The following MLIP variants were observed in gnomAD, a reference collection of about 807,000 sequenced individuals.
The protein encoded by MLIP is muscular LMNA interacting protein.
A neutral mutation model predicts 84.8 loss-of-function variants in MLIP; 79 were observed. The observed-to-expected ratio is 0.93, with a 90% CI of 0.78 to 1.12. The LOEUF (loss-of-function observed/expected upper bound fraction) is 1.12. Among genes scored for constraint, MLIP ranks in the 50% most tolerant of loss-of-function variants. The pLI, the probability that MLIP is intolerant of heterozygous loss-of-function variation, is 0.00. For missense variants in MLIP, 1,257 were observed against 1,160.6 expected (o/e 1.08, Z -1.21); for synonymous variants, 504 against 463.0 (o/e 1.09, Z -1.14).
intron 1 of MLIP, among the ~76,000 whole-genome samples, chr6:54,080,471 C>T (rs1767067493): frequency 1.4e-5 from 1 of 69,180 alleles, no homozygotes; most frequent in South Asian, 4.7e-4. Context: ...TTTGAATGTG[C>T]ATGTCCTTAT....
At chr6:54,260,084 A>T (rs1382871998) in intron 13 of MLIP, among the ~76,000 whole-genome samples, 1 of 151,936 alleles carries the variant, frequency 6.6e-6, no homozygotes, top group East Asian at 1.9e-4. Flanking sequence ...CATTTCCTAA[A>T]GACATTAGTT....
At chr6:54,198,533 A>G (rs1778452702) in intron 10 of MLIP, among the ~76,000 whole-genome samples, 1 of 152,136 alleles carries the variant, frequency 6.6e-6, no homozygotes, top group East Asian at 1.9e-4. Flanking sequence ...TTGAATATGC[A>G]GAAACAAGCC....
intron 1 of MLIP, among the ~76,000 whole-genome samples, chr6:54,070,717 G>A (rs1326606532): frequency 1.3e-5 from 2 of 152,038 alleles, no homozygotes; most frequent in Admixed American, 6.6e-5. Context: ...GGGGCCTATG[G>A]TCTTCTTTTT....
chr6:54,252,116 C>CTA (rs1554194379), intron 12 of MLIP, among the ~76,000 whole-genome samples: 2 of 75,172 alleles, frequency 2.7e-5, no homozygotes, highest in Non-Finnish European at 4.0e-5. Context: ...TAATATATAA[C>CTA]TATATTATAA....
At chr6:54,109,257 T>TCA, upstream of MLIP, among the ~76,000 whole-genome samples, 1 of 152,208 alleles carries the variant, frequency 6.6e-6, no homozygotes. Context: ...TATTCTCATT[T>TCA]ATGTTATTTA....
chr6:54,077,788 T>C (rs1766892734), intron 1 of MLIP, among the ~76,000 whole-genome samples: 1 of 152,204 alleles, frequency 6.6e-6, no homozygotes, highest in African/African-American at 2.4e-5. Flanking sequence ...AAGAAGCAGA[T>C]GATAAAGCTC....
At chr6:54,059,404 A>T (rs1765838920) in intron 1 of MLIP, among the ~76,000 whole-genome samples, 1 of 152,214 alleles carries the variant, frequency 6.6e-6, no homozygotes. Flanking sequence ...CCATGCCATA[A>T]TAATATTACA....
intron 1 of MLIP, among the ~76,000 whole-genome samples, chr6:54,033,930 T>A (rs1176779725): frequency 6.6e-6 from 1 of 152,208 alleles, no homozygotes; most frequent in Non-Finnish European, 1.5e-5. Flanking sequence ...TCTTCTAAAT[T>A]TACCTAACAT....
chr6:54,251,874 CAT>C (rs1334695449), intron 12 of MLIP, among the ~76,000 whole-genome samples: 5 of 60,056 alleles, frequency 8.3e-5, no homozygotes, highest in Admixed American at 6.5e-4. Context: ...TATATTATAA[CAT>C]ATAATATATA....
intron 8 of MLIP, among the ~76,000 whole-genome samples, chr6:54,167,842 G>A (rs150595423): frequency 0.012 from 1,854 of 151,686 alleles, 43 homozygotes; most frequent in African/African-American, 0.041. Flanking sequence ...GTGTCTTCTG[G>A]GTCACTCTTA....
chr6:54,137,228 T>C lies in MLIP; in HGVS notation c.1159T>C (p.Ser387Pro), dbSNP rs997015440. 16 of 1,536,076 alleles carry C rather than the reference T, an allele frequency of 1.0e-5. No homozygotes were observed. The East Asian group carries it at 2.9e-4, about 28-fold the overall frequency. The change falls in exon 4 of 14, where the codon TCT (serine) becomes CCT (proline). Residue 387 changes from serine (S) to proline (P), a missense_variant. By Grantham distance (74) the Ser-to-Pro change is moderately conservative. Coordinates refer to ENST00000502396, the MANE Select transcript of MLIP (RefSeq NM_001281747.2). ...ACCATTTACCTCCTCTTTCCACGGCTCTTCTTCCACCATCTGCAGCCAAAT... is the reference window on the plus strand; with the variant it reads ...ACCATTTACCTCCTCTTTCCACGGCCCTTCTTCCACCATCTGCAGCCAAAT... The part of the protein sequence containing the change: ...PKPFTSSFHG[S>P]SSTICSQMSS...
At chr6:54,109,007 C>A (rs1364708962), upstream of MLIP, among the ~76,000 whole-genome samples, 1 of 150,312 alleles carries the variant, frequency 6.7e-6, no homozygotes. Flanking sequence ...TTGATACTAC[C>A]CTTTGGTGTT....
intron 10 of MLIP, among the ~76,000 whole-genome samples, chr6:54,201,137 C>T (rs17828437): frequency 0.084 from 12,743 of 152,200 alleles, 666 homozygotes; most frequent in East Asian, 0.21. Context: ...GTTTGTGAAA[C>T]ATCACATTTT....
intron 1 of MLIP, among the ~76,000 whole-genome samples, chr6:54,029,823 G>A (rs1331828872): frequency 6.6e-6 from 1 of 152,088 alleles, no homozygotes. Context: ...ATTTGCCATA[G>A]TGGTTTTGGT....
chr6:54,252,396 A>C (rs188228793), intron 12 of MLIP, among the ~76,000 whole-genome samples: 2 of 99,178 alleles, frequency 2.0e-5, no homozygotes, highest in African/African-American at 5.4e-5. Flanking sequence ...ATAACATATA[A>C]TATATAATAT....
intron 1 of MLIP, among the ~76,000 whole-genome samples, chr6:54,096,016 A>G (rs114881314): frequency 0.01 from 1,572 of 152,244 alleles, 30 homozygotes; most frequent in African/African-American, 0.036. Context: ...TAAAGTAAAA[A>G]AGGCATGTTC....
At chr6:54,196,289 T>A (rs956676416) in intron 10 of MLIP, among the ~76,000 whole-genome samples, 14 of 152,254 alleles carry the variant, frequency 9.2e-5, no homozygotes, top group African/African-American at 3.1e-4. Context: ...TATCAAACCA[T>A]CACTTCTGTA....
intron 1 of MLIP, among the ~76,000 whole-genome samples, chr6:54,054,916 C>T (rs1481116652): frequency 6.7e-6 from 1 of 149,848 alleles, no homozygotes; most frequent in Middle Eastern, 3.5e-3. Flanking sequence ...GAGACGGAGT[C>T]TCGCTCTGTC....
intron 4 of MLIP, among the ~76,000 whole-genome samples, chr6:54,142,101 C>T (rs1447086435): frequency 6.6e-6 from 1 of 152,154 alleles, no homozygotes; most frequent in Non-Finnish European, 1.5e-5. Context: ...GGAAAATGAG[C>T]AATATGGAAT....
Sources: allele counts gnomAD v4.1 joint callset (sites outside exome capture counted in the v4.1 genomes callset), GRCh38; gene constraint gnomAD v4.1.1; transcripts MANE v1.5; gene names NCBI Gene and HGNC (gene_info 2026-07-23, HGNC 2026-07-21).